Variants in RBPJ observed in about 807,000 individuals in gnomAD.
RBPJ encodes the protein recombining binding protein suppressor of hairless.
In RBPJ, 9 loss-of-function variants were observed where a neutral mutation model predicts 67.8. The ratio of observed to expected loss-of-function variants is 0.13; its 90% CI spans 0.08 to 0.23. The LOEUF is 0.23. Among genes scored for constraint, RBPJ ranks in the 10% least tolerant of loss-of-function variants. The probability of loss-of-function intolerance (pLI) is 1.00; values close to 1 mark genes in which losing one functional copy is unlikely to be tolerated. For missense variants in RBPJ, 305 were observed against 595.6 expected, an observed-to-expected ratio of 0.51 and a Z score of 5.08; for synonymous variants, 198 against 203.3, an observed-to-expected ratio of 0.97 and a Z score of 0.22.
intron 1 of RBPJ, among the ~76,000 whole-genome samples, chr4:26,268,187 CTT>C (rs2109258895): frequency 6.6e-6 from 1 of 152,184 alleles, no homozygotes; most frequent in South Asian, 2.1e-4. Context: ...AAACTTCCCT[CTT>C]TGCTTTATAT....
At chr4:26,201,042 C>A (rs1160650638) in intron 1 of RBPJ, among the ~76,000 whole-genome samples, 1 of 152,182 alleles carries the variant, frequency 6.6e-6, no homozygotes, top group Non-Finnish European at 1.5e-5. Flanking sequence ...TATCCATTCA[C>A]CATCTCTTAC....
the RBPJ span, among the ~76,000 whole-genome samples, chr4:26,157,081 AC>A: frequency 6.9e-3 from 260 of 37,672 alleles, 4 homozygotes; most frequent in Non-Finnish European, 0.012. Flanking sequence ...TGTGTCAAAA[AC>A]AAACAAACAA....
At chr4:26,381,148 A>G (rs919050051) in intron 1 of RBPJ, among the ~76,000 whole-genome samples, 3 of 146,642 alleles carry the variant, frequency 2.0e-5, no homozygotes, top group African/African-American at 7.6e-5. Flanking sequence ...AGCATCTGTT[A>G]GCCAGAAAAG....
intron 1 of RBPJ, among the ~76,000 whole-genome samples, chr4:26,340,369 A>C (rs182927986): frequency 6.6e-6 from 1 of 152,360 alleles, no homozygotes; most frequent in East Asian, 1.9e-4. Context: ...AGCTGAAGTC[A>C]AGGATAAAAC....
At position 26,300,268 on chromosome 4, in the gene RBPJ, T is replaced by A. The variant is rs146160021; in HGVS notation, c.-166-62178T>A. 2.5e-4 allele frequency among the ~76,000 whole-genome samples: 38 copies of A among 152,174 alleles called. No individual in the cohort carries two copies. The East Asian group carries it at 7.1e-3, about 29-fold the overall frequency. The stretch of plus-strand genomic sequence containing the variant: ...GGGCAGGGGTGGGGGTGGGTGGTCT[T>A]GATGATAAATGTTAATAGTTGGCAG... On this transcript the variant is annotated intron_variant, in intron 1 of 4. Coordinates refer to the RBPJ transcript ENST00000512351.
At chr4:26,166,180 G>A (rs1294620827) in intron 1 of RBPJ, among the ~76,000 whole-genome samples, 18 of 148,026 alleles carry the variant, frequency 1.2e-4, no homozygotes, top group Non-Finnish European at 2.4e-4. Flanking sequence ...GTAAACATAC[G>A]TGTGCATGTG....
intron 1 of RBPJ, among the ~76,000 whole-genome samples, chr4:26,261,086 C>T (rs1399580113): frequency 3.9e-5 from 6 of 152,094 alleles, no homozygotes; most frequent in Non-Finnish European, 1.5e-5. Flanking sequence ...TCATGCCCAC[C>T]TCATAGATGA....
chr4:26,260,749 T>C (rs1327249942), intron 1 of RBPJ, among the ~76,000 whole-genome samples: 1 of 152,214 alleles, frequency 6.6e-6, no homozygotes, highest in African/African-American at 2.4e-5. Context: ...CTGCCATCTC[T>C]GCCTAACCAG....
At chr4:26,235,283 G>C (rs571221267) in intron 1 of RBPJ, among the ~76,000 whole-genome samples, 1 of 152,160 alleles carries the variant, frequency 6.6e-6, no homozygotes, top group South Asian at 2.1e-4. Flanking sequence ...AAATTGATTT[G>C]ATCAAACATA....
chr4:26,268,254 C>CA (rs149725483), intron 1 of RBPJ, among the ~76,000 whole-genome samples: 1,865 of 150,324 alleles, frequency 0.012, 37 homozygotes, highest in African/African-American at 0.042. Context: ...TATTTTTTTT[C>CA]AAAAAAAACA....
upstream of RBPJ, among the ~76,000 whole-genome samples, chr4:26,315,167 A>AAATAT (rs1325689348): frequency 9.0e-4 from 67 of 74,738 alleles, no homozygotes; most frequent in Non-Finnish European, 1.0e-3. Flanking sequence ...AAAAAAAAAA[A>AAATAT]ATATATATAT....
chr4:26,140,164 G>A, the RBPJ span, among the ~76,000 whole-genome samples: 1 of 152,190 alleles, frequency 6.6e-6, no homozygotes, highest in African/African-American at 2.4e-5. Flanking sequence ...ATGTCACACA[G>A]CATTTGCTAA....
At chr4:26,212,095 C>T (rs778524528) in intron 1 of RBPJ, among the ~76,000 whole-genome samples, 24 of 152,126 alleles carry the variant, frequency 1.6e-4, no homozygotes, top group Non-Finnish European at 3.1e-4. Context: ...CTTCTAGTCA[C>T]CCAGTTTGTG....
rs1560312918 is a variant in RBPJ at position 26,386,329 on chromosome 4, TTTTC to T, written c.21-20_21-17del. 6.5e-6 allele frequency: 10 copies of T among 1,530,400 alleles called. No homozygotes were observed. Among genetic ancestry groups the T allele is most frequent in the Non-Finnish European group, 7.1e-6 (8 of 1,133,972 alleles). The allele number at this position is 1,530,400 out of a possible 1,614,324, so 94.8% of individuals were successfully genotyped here. A position where few individuals can be genotyped will look rare whatever the true frequency, so the allele number is the denominator to read the frequency against. ...GTATCATAAAGCTTACTTAACTTTA[TTTTC>T]TTTATTTTTTTTTTTCCAGGAAATT... is the stretch of plus-strand genomic sequence containing the variant. On this transcript the variant is annotated intron_variant, in intron 1 of 10. Transcript: ENST00000355476.
intron 1 of RBPJ, chr4:26,359,758 G>GCTGACCCTCCTT (rs1242215795): frequency 6.6e-6 from 1 of 152,264 alleles, no homozygotes; most frequent in African/African-American, 2.4e-5. Flanking sequence ...GCGAGCTGGA[G>GCTGACCCTCCTT]CTGACCCTCG....
In RBPJ at chr4:26,257,081, T is replaced by C. The variant is rs138212820; in HGVS notation, c.-167+93467T>C. Among the ~76,000 whole-genome samples the C allele has an allele frequency of 3.8e-3, 573 of 152,350 alleles. 5 individuals are homozygous for C. The highest frequency in any genetic ancestry group is 0.013 in the African/African-American group (559 of 41,588). ...AGGAATCATAGTATTCATTGTTACGTTGTTGTTGTAGTAATTGCTAGTATT... is the reference window on the plus strand; with the variant it reads ...AGGAATCATAGTATTCATTGTTACGCTGTTGTTGTAGTAATTGCTAGTATT... On this transcript the variant is annotated intron_variant, in intron 1 of 4. Transcript: ENST00000512351.
intron 1 of RBPJ, among the ~76,000 whole-genome samples, chr4:26,175,043 G>A (rs1716745688): frequency 6.6e-6 from 1 of 152,106 alleles, no homozygotes; most frequent in South Asian, 2.1e-4. Context: ...CTCTTCATGT[G>A]TTTTCTCATT....
At chr4:26,142,690 G>A in the RBPJ span, among the ~76,000 whole-genome samples, 1 of 152,258 alleles carries the variant, frequency 6.6e-6, no homozygotes, top group African/African-American at 2.4e-5. Context: ...TGTGTATCCA[G>A]TGAGTTTCCT....
upstream of RBPJ, among the ~76,000 whole-genome samples, chr4:26,159,981 C>G (rs1049535397): frequency 6.6e-6 from 1 of 151,630 alleles, no homozygotes; most frequent in Non-Finnish European, 1.5e-5. Context: ...TGCAGTGGCG[C>G]GATCTTGGCT....
Sources: gnomAD v4.1 joint callset for allele counts (sites outside exome capture counted in the v4.1 genomes callset) on GRCh38, gnomAD v4.1.1 for gene constraint, MANE v1.5 for transcripts, NCBI Gene and HGNC (gene_info 2026-07-23, HGNC 2026-07-21) for gene names.